Variants in NRDC observed in about 807,000 individuals in gnomAD.
NRDC encodes the protein nardilysin convertase.
Under a neutral mutation model 147.1 loss-of-function variants are expected in NRDC, and 54 were observed. The observed-to-expected ratio is 0.37, with a 90% confidence interval of 0.29 to 0.46. NRDC has a LOEUF of 0.46. Ranked by LOEUF, NRDC falls within the 20% of genes least tolerant of loss-of-function variation. NRDC has a pLI of 1.00. For synonymous variants in NRDC, 440 were observed against 482.1 expected (o/e 0.91, Z 1.14); for missense variants, 1,082 against 1,370.6 (o/e 0.79, Z 3.33).
At chr1:51,846,680 C>A (rs1168128427) in intron 1 of NRDC, among the ~76,000 whole-genome samples, 1 of 152,176 alleles carries the variant, frequency 6.6e-6, no homozygotes, top group Non-Finnish European at 1.5e-5. Flanking sequence ...TAGTGAGAAC[C>A]CAAAAAGTGA....
chr1:51,803,213 G>A (rs954936538), intron 20 of NRDC, among the ~76,000 whole-genome samples: 4 of 152,104 alleles, frequency 2.6e-5, no homozygotes, highest in Non-Finnish European at 5.9e-5. Context: ...GGTGGCTCAC[G>A]CCTATAATCC....
In NRDC at chr1:51,819,847, T is replaced by C; in HGVS notation, c.1244A>G (p.His415Arg). The change falls in exon 9 of 31, where the codon CAT becomes CGT. Residue 415 changes from histidine (H) to arginine (R), a missense_variant. By Grantham distance (29) the His-to-Arg change is conservative. Around this residue, in one of 3 missense-constraint regions of NRDC, gnomAD observed 635 missense variants for 923.8 expected, o/e 0.69. Coordinates refer to ENST00000352171, the MANE Select transcript of NRDC (RefSeq NM_001101662.2). ...TGGTGTGTCAAATGGATCCGTTAAA[T>C]GGCCAAAGTTTGGTCTGGGTAACCC... is the stretch of plus-strand genomic sequence containing the variant. Reference protein sequence around the residue: ...NNGLPRPNFGHLTDPFDTPAF... With the variant: ...NNGLPRPNFGRLTDPFDTPAF... 6.2e-7 allele frequency: 1 copy of C among 1,608,206 alleles called. No homozygotes were observed. The highest frequency in any genetic ancestry group is 8.5e-7 in the Non-Finnish European group (1 of 1,177,086).
intron 7 of NRDC, among the ~76,000 whole-genome samples, chr1:51,821,916 T>C (rs944991787): frequency 4.6e-5 from 7 of 152,308 alleles, no homozygotes; most frequent in South Asian, 2.1e-4. Flanking sequence ...GGAAGGTTTT[T>C]CCGTACTAAC....
chr1:51,815,641 C>T (rs188391267), intron 11 of NRDC, among the ~76,000 whole-genome samples: 400 of 152,158 alleles, frequency 2.6e-3, no homozygotes, highest in Non-Finnish European at 4.5e-3. Context: ...TTAACTCTCC[C>T]CTCTTAGTTT....
At chr1:51,845,616 G>A (rs932970007) in intron 1 of NRDC, among the ~76,000 whole-genome samples, 10 of 151,994 alleles carry the variant, frequency 6.6e-5, no homozygotes, top group African/African-American at 2.4e-4. Context: ...GAAAAGAAAA[G>A]AAATGTCCCG....
At chr1:51,791,100 A>C in intron 27 of NRDC, 110 bp from the exon 28 acceptor site, 3 of 736,206 alleles carry the variant, frequency 4.1e-6, no homozygotes, top group Admixed American at 2.7e-5. Context: ...TAAGACATAT[A>C]TCCAGGAAAA....
intron 20 of NRDC, among the ~76,000 whole-genome samples, chr1:51,802,801 T>C (rs1233237606): frequency 2.0e-5 from 3 of 152,168 alleles, no homozygotes; most frequent in Non-Finnish European, 4.4e-5. Flanking sequence ...TTCTGGCAGG[T>C]CCTTTCCTCT....
chr1:51,806,690 ACAAAGGAAGAT>A (rs146963102), intron 18 of NRDC, 93 bp downstream of exon 18: 25 of 1,270,378 alleles, frequency 2.0e-5, no homozygotes, highest in Non-Finnish European at 2.7e-5. Flanking sequence ...AGCCTCCTCC[ACAAAGGAAGAT>A]CAAAATAGCA....
At chr1:51,858,871 G>A (rs1682392016) in intron 1 of NRDC, among the ~76,000 whole-genome samples, 2 of 152,152 alleles carry the variant, frequency 1.3e-5, no homozygotes, top group Non-Finnish European at 2.9e-5. Context: ...CCATTTGTAA[G>A]GGTGTCTGCC....
chr1:51,854,539 A>T lies in NRDC; in HGVS notation c.342-14025T>A, dbSNP rs577636906. ...GGGACCCCAAGCATAGAAAAAAGGA[A>T]AATCTTCAGTTATTTCAAAGGAAAC... On this transcript the variant is annotated intron_variant, in intron 1 of 30. Coordinates refer to ENST00000352171, the MANE Select transcript of NRDC (RefSeq NM_001101662.2). 7.9e-5 allele frequency among the ~76,000 whole-genome samples: 12 copies of T among 152,256 alleles called. No individual in the cohort carries two copies. The East Asian group carries it at 2.1e-3, about 27-fold the overall frequency.
chr1:51,811,018 G>A (rs1679690665), intron 15 of NRDC, among the ~76,000 whole-genome samples: 1 of 152,048 alleles, frequency 6.6e-6, no homozygotes, highest in East Asian at 1.9e-4. Flanking sequence ...GCTACAATAA[G>A]GACTAAACAG....
chr1:51,812,235 G>A, intron 14 of NRDC, 137 bp from the exon 15 acceptor site: 2 of 596,294 alleles, frequency 3.4e-6, no homozygotes, highest in Non-Finnish European at 5.8e-6. Flanking sequence ...AGATATAATT[G>A]CAGCTTAAGA....
intron 2 of NRDC, among the ~76,000 whole-genome samples, chr1:51,839,705 A>T (rs922666655): frequency 4.6e-5 from 7 of 152,270 alleles, no homozygotes; most frequent in East Asian, 3.9e-4. Context: ...TTGCGTTCCC[A>T]TATAAAGTGC....
intron 5 of NRDC, among the ~76,000 whole-genome samples, chr1:51,827,311 C>T (rs1553209026): frequency 6.6e-6 from 1 of 152,188 alleles, no homozygotes; most frequent in Non-Finnish European, 1.5e-5. Flanking sequence ...GGAACAAATA[C>T]AGAGACTTGC....
At chr1:51,807,603 A>G (rs896924899) in intron 17 of NRDC, among the ~76,000 whole-genome samples, 8 of 151,990 alleles carry the variant, frequency 5.3e-5, no homozygotes, top group African/African-American at 1.9e-4. Flanking sequence ...GCTACTCAAG[A>G]GGCTGACACA....
intron 2 of NRDC, 164 bp from the exon 3 acceptor site, chr1:51,836,376 G>A: frequency 1.2e-6 from 2 of 1,613,330 alleles, no homozygotes; most frequent in Non-Finnish European, 1.7e-6. Context: ...CACCAGAACT[G>A]TGTCAGTTTC....
At chr1:51,854,236 T>C (rs1037370586) in intron 1 of NRDC, among the ~76,000 whole-genome samples, 1 of 151,930 alleles carries the variant, frequency 6.6e-6, no homozygotes, top group Admixed American at 6.6e-5. Context: ...GGCGTAGAGG[T>C]GCACACCTGT....
intron 21 of NRDC, 68 bp from the exon 22 acceptor site, chr1:51,798,479 A>G: frequency 8.2e-6 from 11 of 1,349,566 alleles, no homozygotes; most frequent in Non-Finnish European, 1.1e-5. Flanking sequence ...GAATAAAGAA[A>G]TGTTTGGTCA....
Position 51,798,544 on chromosome 1 carries a change from ATGGGAAAACAGT to A in NRDC, c.2442-145_2442-134del, listed in dbSNP as rs1255584194. On this transcript the variant is annotated intron_variant, in intron 21 of 30. Coordinates refer to ENST00000352171, the MANE Select transcript of NRDC (RefSeq NM_001101662.2). ...GAGACCATTTTTATCACAATGTAAGATGGGAAAACAGTATCAGATTAACCAAAAAAGTACTGA... is the reference window on the plus strand; with the variant it reads ...GAGACCATTTTTATCACAATGTAAGAATCAGATTAACCAAAAAAGTACTGA... 8 of 715,526 alleles carry A rather than the reference ATGGGAAAACAGT, an allele frequency of 1.1e-5. No homozygotes were observed. In the East Asian group the frequency reaches 2.2e-4, roughly 20 times the overall value. The allele number at this position is 715,526 out of a possible 1,614,324, so 44.3% of individuals were successfully genotyped here.
Sources: gnomAD v4.1 joint callset for allele counts (sites outside exome capture counted in the v4.1 genomes callset) on GRCh38, gnomAD v4.1.1 for gene constraint, gnomAD v4.1.1 regional missense constraint, MANE v1.5 for transcripts, NCBI Gene and HGNC (gene_info 2026-07-23, HGNC 2026-07-21) for gene names.